The following ZNF618 variants were observed in gnomAD, a reference collection of about 807,000 sequenced individuals.
The protein encoded by ZNF618 is zinc finger protein 618.
ZNF618 carries 34 observed loss-of-function variants against 103.0 expected under a neutral mutation model. The observed-to-expected ratio is 0.33, with a 90% confidence interval of 0.25 to 0.44. The LOEUF (loss-of-function observed/expected upper bound fraction) is 0.44. Among genes scored for constraint, ZNF618 ranks in the 20% least tolerant of loss-of-function variants. ZNF618 has a pLI of 1.00. For missense variants in ZNF618, 1,059 were observed against 1,295.4 expected, an observed-to-expected ratio of 0.82 and a Z score of 2.80; for synonymous variants, 551 against 542.2, an observed-to-expected ratio of 1.02 and a Z score of -0.23.
intron 1 of ZNF618, among the ~76,000 whole-genome samples, chr9:113,955,906 T>C (rs1267546751): frequency 6.6e-6 from 1 of 151,540 alleles, no homozygotes; most frequent in Non-Finnish European, 1.5e-5. Context: ...GGAAGAAGGG[T>C]GCTTTGGGGG....
intron 1 of ZNF618, among the ~76,000 whole-genome samples, chr9:113,936,191 G>A (rs962741877): frequency 6.6e-6 from 1 of 152,094 alleles, no homozygotes; most frequent in Non-Finnish European, 1.5e-5. Context: ...CAGAGACCAG[G>A]CTCCAGAGGC....
chr9:113,968,374 T>C (rs1244956274), intron 1 of ZNF618, among the ~76,000 whole-genome samples: 6 of 152,226 alleles, frequency 3.9e-5, no homozygotes, highest in Admixed American at 3.9e-4. Context: ...TGATTCTTAT[T>C]AGAAGTGTTT....
chr9:113,974,633 G>A (rs946829001), intron 2 of ZNF618, among the ~76,000 whole-genome samples: 1 of 152,114 alleles, frequency 6.6e-6, no homozygotes, highest in Admixed American at 6.5e-5. Flanking sequence ...TTCAGCAAAG[G>A]ATTATGTGTA....
In ZNF618 at chr9:114,007,070, C is replaced by A. The variant is rs541270065; in HGVS notation, c.551-280C>A. Among the ~76,000 whole-genome samples, 10 of 152,348 alleles carry A rather than the reference C, an allele frequency of 6.6e-5. No homozygotes were observed. In the South Asian group the frequency reaches 2.1e-3, roughly 32 times the overall value. ...AGTCAGTTACCAGGTCTAGTCCAGA[C>A]TCACAGGGAAGGGGTGATGTAGGGC... On this transcript the variant is annotated intron_variant, in intron 6 of 14. Transcript: ENST00000374126.
At chr9:114,043,168 A>G (rs1174181158) in intron 13 of ZNF618, among the ~76,000 whole-genome samples, 4 of 152,246 alleles carry the variant, frequency 2.6e-5, no homozygotes, top group Non-Finnish European at 5.9e-5. Flanking sequence ...GCTATTATGA[A>G]TAACGCTGCT....
At chr9:113,973,990 A>G (rs1838249413) in intron 2 of ZNF618, among the ~76,000 whole-genome samples, 1 of 152,226 alleles carries the variant, frequency 6.6e-6, no homozygotes, top group African/African-American at 2.4e-5. Flanking sequence ...CATGCATTCC[A>G]CAAATATTTA....
intron 1 of ZNF618, among the ~76,000 whole-genome samples, chr9:113,889,625 G>C (rs888286750): frequency 6.6e-6 from 1 of 152,210 alleles, no homozygotes; most frequent in Non-Finnish European, 1.5e-5. Context: ...CATTGAGCAT[G>C]TAGGATGGGA....
intron 1 of ZNF618, 26 bp from the exon 2 acceptor site, chr9:113,969,091 G>A (rs1162874225): frequency 6.2e-7 from 1 of 1,613,954 alleles, no homozygotes; most frequent in South Asian, 1.1e-5. Context: ...CTTGGCTGAT[G>A]TAGGTGTTTT....
At chr9:113,912,726 A>G (rs1036070847) in intron 1 of ZNF618, among the ~76,000 whole-genome samples, 10 of 152,102 alleles carry the variant, frequency 6.6e-5, no homozygotes, top group Non-Finnish European at 1.3e-4. Flanking sequence ...GGATGCACCA[A>G]AGGAGGGATG....
At chr9:114,040,747 T>A (rs1588439274) in intron 13 of ZNF618, among the ~76,000 whole-genome samples, 1 of 152,240 alleles carries the variant, frequency 6.6e-6, no homozygotes, top group Non-Finnish European at 1.5e-5. Context: ...ACATTTGGGT[T>A]GGTTCCAAGT....
intron 1 of ZNF618, among the ~76,000 whole-genome samples, chr9:113,948,360 G>A (rs569439057): frequency 7.2e-5 from 11 of 152,328 alleles, no homozygotes; most frequent in Admixed American, 6.5e-4. Flanking sequence ...AAGCAGAGAT[G>A]ACATTTCCCA....
At chr9:113,920,737 G>A (rs897204713) in intron 1 of ZNF618, among the ~76,000 whole-genome samples, 1 of 152,178 alleles carries the variant, frequency 6.6e-6, no homozygotes, top group Non-Finnish European at 1.5e-5. Context: ...ACATCATAAG[G>A]TGGTGGTAAG....
chr9:113,971,646 A>G (rs912518789), intron 2 of ZNF618, among the ~76,000 whole-genome samples: 3 of 152,102 alleles, frequency 2.0e-5, no homozygotes, highest in African/African-American at 7.2e-5. Flanking sequence ...TCTCTCCTAC[A>G]CGAGTATCTC....
chr9:113,887,570 A>G (rs1441416974), intron 1 of ZNF618, among the ~76,000 whole-genome samples: 1 of 152,120 alleles, frequency 6.6e-6, no homozygotes, highest in Non-Finnish European at 1.5e-5. Flanking sequence ...GGGGACTGGA[A>G]GCCATTCTTT....
At chr9:113,987,599 C>T (rs1211899589) in intron 2 of ZNF618, among the ~76,000 whole-genome samples, 1 of 152,194 alleles carries the variant, frequency 6.6e-6, no homozygotes, top group Non-Finnish European at 1.5e-5. Context: ...AAGGGAACAG[C>T]ACTGGATATC....
chr9:113,899,918 T>C (rs1384468737), intron 1 of ZNF618, among the ~76,000 whole-genome samples: 1 of 152,242 alleles, frequency 6.6e-6, no homozygotes, highest in African/African-American at 2.4e-5. Context: ...CTGTTATGAA[T>C]GATGTTGCTA....
chr9:114,046,127 C>T (rs893983689), intron 13 of ZNF618, among the ~76,000 whole-genome samples: 6 of 151,924 alleles, frequency 3.9e-5, no homozygotes. Context: ...ATGTGGATTC[C>T]ATAAGATTTT....
rs118122586 is a variant in ZNF618 at position 114,044,453 on chromosome 9, A to G, written c.1247-3440A>G. Among the ~76,000 whole-genome samples, 680 of 152,270 alleles carry G rather than the reference A, an allele frequency of 4.5e-3. 8 individuals carry two copies. Among genetic ancestry groups the G allele is most frequent in the East Asian group, 0.042 (220 of 5,188 alleles). ...ATTTTGGTGAATATAGCCTTGTAGTATAGTTCGAAGTCCGGTAATGTGTTG... is the reference window on the plus strand; with the variant it reads ...ATTTTGGTGAATATAGCCTTGTAGTGTAGTTCGAAGTCCGGTAATGTGTTG... On this transcript the variant is annotated intron_variant, in intron 13 of 14. Transcript: ENST00000374126.
rs952512758 is a variant in ZNF618, at chr9:114,051,743, T to G, written c.*1576T>G. On this transcript the variant is annotated 3_prime_UTR_variant, in exon 15 of 15. Coordinates refer to ENST00000374126, the MANE Select transcript of ZNF618 (RefSeq NM_001318042.2). ...ATGTTCGACTCGATGCTGTGAAAGATGTCTTCAGGCTTTTCTCTCCTGTTC... is the reference window on the plus strand; with the variant it reads ...ATGTTCGACTCGATGCTGTGAAAGAGGTCTTCAGGCTTTTCTCTCCTGTTC... 9 of 152,454 alleles carry G rather than the reference T, an allele frequency of 5.9e-5. No individual in the cohort carries two copies. Among genetic ancestry groups the G allele is most frequent in the African/African-American group, 2.2e-4 (9 of 41,456 alleles). 9.4% of individuals were successfully genotyped at this position (152,454 alleles called of 1,614,324 possible).
Sources: allele counts gnomAD v4.1 joint callset (sites outside exome capture counted in the v4.1 genomes callset), GRCh38; gene constraint gnomAD v4.1.1; transcripts MANE v1.5; gene names NCBI Gene and HGNC (gene_info 2026-07-23, HGNC 2026-07-21).